BABAM2: variants seen among roughly 807,000 people sequenced by gnomAD.
BABAM2 encodes the protein BRISC and BRCA1-A complex member 2.
A neutral mutation model predicts 54.7 loss-of-function variants in BABAM2; 31 were observed. The observed-to-expected ratio is 0.57, with a 90% confidence interval of 0.43 to 0.77. BABAM2 has a LOEUF of 0.77. Ranked by LOEUF, BABAM2 falls within the 30% of genes least tolerant of loss-of-function variation. The pLI is 0.00. For synonymous variants in BABAM2, 167 were observed against 162.9 expected (o/e 1.03, Z -0.19); for missense variants, 364 against 455.8 (o/e 0.80, Z 1.83).
intron 6 of BABAM2, among the ~76,000 whole-genome samples, chr2:28,054,342 T>G (rs1678229497): frequency 6.6e-6 from 1 of 152,220 alleles, no homozygotes; most frequent in African/African-American, 2.4e-5. Flanking sequence ...TTATTCCATC[T>G]TCTCTCTTAT....
At chr2:28,241,510 T>C in intron 9 of BABAM2, 117 bp downstream of exon 9, 2 of 966,220 alleles carry the variant, frequency 2.1e-6, no homozygotes, top group South Asian at 1.4e-5. Context: ...ACCTTTTTTT[T>C]TTTTGAGACA....
chr2:28,174,840 C>A (rs1674748951), intron 7 of BABAM2, among the ~76,000 whole-genome samples: 1 of 152,246 alleles, frequency 6.6e-6, no homozygotes, highest in African/African-American at 2.4e-5. Flanking sequence ...CCTGACAGCA[C>A]CTGCGTCTCC....
intron 7 of BABAM2, among the ~76,000 whole-genome samples, chr2:28,154,039 G>T (rs1672310449): frequency 6.6e-6 from 1 of 152,180 alleles, no homozygotes; most frequent in South Asian, 2.1e-4. Flanking sequence ...TCTGCCTATT[G>T]TGTGTGGCTC....
At chr2:28,226,749 GC>G (rs1391160164) in intron 7 of BABAM2, among the ~76,000 whole-genome samples, 1 of 152,184 alleles carries the variant, frequency 6.6e-6, no homozygotes, top group African/African-American at 2.4e-5. Context: ...AGAGAGAACA[GC>G]AGGAGAACTG....
chr2:28,199,413 G>C (rs1020103259), intron 7 of BABAM2, among the ~76,000 whole-genome samples: 2 of 152,206 alleles, frequency 1.3e-5, no homozygotes, highest in African/African-American at 4.8e-5. Context: ...GCAGATGACA[G>C]TCTTTGTTTT....
At chr2:28,144,537 G>A (rs1558380581) in intron 7 of BABAM2, among the ~76,000 whole-genome samples, 1 of 152,144 alleles carries the variant, frequency 6.6e-6, no homozygotes. Context: ...ATATTCTTCA[G>A]AACATGCATG....
intron 7 of BABAM2, among the ~76,000 whole-genome samples, chr2:28,151,661 T>A (rs1672049343): frequency 1.1e-5 from 1 of 88,908 alleles, no homozygotes; most frequent in East Asian, 2.3e-4. Context: ...CAATAGTGAG[T>A]TAAAACTAAT....
At chr2:28,335,154 C>CT (rs56135926) in intron 11 of BABAM2, among the ~76,000 whole-genome samples, 3 of 71,524 alleles carry the variant, frequency 4.2e-5, no homozygotes, top group African/African-American at 1.2e-4. Context: ...CTCCCACCTT[C>CT]TTTTTTTTTT....
rs925037038 is a variant in BABAM2 at position 27,890,984 on chromosome 2, C to T, written c.-25+142C>T. On this transcript the variant is annotated intron_variant, in intron 1 of 11. Coordinates refer to ENST00000379624, the MANE Select transcript of BABAM2 (RefSeq NM_199191.3). The surrounding 1 kb of genome is among the most constrained non-coding windows in gnomAD (Gnocchi z 4.8). ...CCGTTCCAAAGATGCCCTTCTCATC[C>T]CCATCACGCTGATTCCCTCAAGAAC... 6.6e-6 allele frequency: 1 copy of T among 152,604 alleles called. No individual in the cohort carries two copies. Among genetic ancestry groups the T allele is most frequent in the African/African-American group, 2.4e-5 (1 of 41,426 alleles). The allele number at this position is 152,604 out of a possible 1,614,324, so 9.5% of individuals were successfully genotyped here.
At chr2:28,011,888 T>C (rs555340422) in intron 4 of BABAM2, among the ~76,000 whole-genome samples, 2 of 152,280 alleles carry the variant, frequency 1.3e-5, no homozygotes, top group East Asian at 3.9e-4. Flanking sequence ...CTATAAAATA[T>C]TCAGTGCCAG....
At chr2:27,958,733 C>A (rs1670267514) in intron 3 of BABAM2, among the ~76,000 whole-genome samples, 1 of 151,906 alleles carries the variant, frequency 6.6e-6, no homozygotes, top group Non-Finnish European at 1.5e-5. Context: ...AACAAATACT[C>A]TTGTGAGGAA....
intron 7 of BABAM2, among the ~76,000 whole-genome samples, chr2:28,146,665 C>G (rs1002298840): frequency 5.9e-5 from 9 of 152,134 alleles, no homozygotes; most frequent in African/African-American, 2.2e-4. Flanking sequence ...TATTGAGTGA[C>G]TCTGGATGTT....
At chr2:28,035,808 C>T (rs1573445116) in intron 5 of BABAM2, among the ~76,000 whole-genome samples, 1 of 152,016 alleles carries the variant, frequency 6.6e-6, no homozygotes, top group Admixed American at 6.5e-5. Context: ...TTACTTTATA[C>T]CTCAAAATAT....
At chr2:28,241,669 A>G (rs555478963) in intron 9 of BABAM2, among the ~76,000 whole-genome samples, 5 of 152,126 alleles carry the variant, frequency 3.3e-5, no homozygotes, top group South Asian at 2.1e-4. Context: ...AAATTTTTGT[A>G]TTTTTAGTAG....
At chr2:28,015,576 G>A (rs981409776) in intron 4 of BABAM2, among the ~76,000 whole-genome samples, 2 of 152,212 alleles carry the variant, frequency 1.3e-5, no homozygotes, top group African/African-American at 4.8e-5. Flanking sequence ...GCAGCAGGCA[G>A]CATTTATGGC....
chr2:28,099,173 C>T (rs1003112042), intron 6 of BABAM2, among the ~76,000 whole-genome samples: 4 of 152,098 alleles, frequency 2.6e-5, no homozygotes, highest in Non-Finnish European at 4.4e-5. Context: ...AGTAACCATA[C>T]GAACATAGAG....
intron 7 of BABAM2, among the ~76,000 whole-genome samples, chr2:28,194,949 G>A (rs929405579): frequency 2.6e-5 from 4 of 152,116 alleles, no homozygotes; most frequent in Non-Finnish European, 5.9e-5. Context: ...ACCTGCCTCC[G>A]CCTCCCAAAG....
At chr2:28,225,120 C>A (rs1680766906) in intron 7 of BABAM2, among the ~76,000 whole-genome samples, 1 of 152,234 alleles carries the variant, frequency 6.6e-6, no homozygotes, top group Non-Finnish European at 1.5e-5. Context: ...TTCCTGAAGC[C>A]TGGATAAAGG....
chr2:28,238,579 G>A (rs928641909), intron 8 of BABAM2, among the ~76,000 whole-genome samples: 6 of 152,168 alleles, frequency 3.9e-5, no homozygotes, highest in African/African-American at 7.2e-5. Context: ...CAACTCCACC[G>A]TCTGTGGGCC....
Sources: gnomAD v4.1 joint callset for allele counts (sites outside exome capture counted in the v4.1 genomes callset) on GRCh38, gnomAD v4.1.1 for gene constraint, Gnocchi (gnomAD v3.1) non-coding constraint, MANE v1.5 for transcripts, NCBI Gene and HGNC (gene_info 2026-07-23, HGNC 2026-07-21) for gene names.